Variants in STAP1 observed in about 807,000 individuals in gnomAD.
STAP1 encodes signal transducing adaptor family member 1.
A neutral mutation model predicts 37.8 loss-of-function variants in STAP1; 30 were observed. The ratio of observed to expected loss-of-function variants is 0.79; its 90% CI spans 0.59 to 1.08. STAP1 has a LOEUF of 1.08. Ranked by LOEUF, STAP1 falls within the 50% of genes least tolerant of loss-of-function variation. The pLI is 0.00. For synonymous variants in STAP1, 130 were observed against 116.0 expected (o/e 1.12, Z -0.78); for missense variants, 357 against 349.4 (o/e 1.02, Z -0.17).
Position 67,589,809 on chromosome 4 carries a change from AT to A in STAP1, c.660-1062del, listed in dbSNP as rs35601578. Among the ~76,000 whole-genome samples the A allele has an allele frequency of 3.3e-3, 486 of 147,618 alleles. 6 individuals are homozygous for A. Among genetic ancestry groups the A allele is most frequent in the African/African-American group, 7.9e-3 (316 of 40,220 alleles). On this transcript the variant is annotated intron_variant, in intron 6 of 8. Coordinates refer to ENST00000265404, the MANE Select transcript of STAP1 (RefSeq NM_012108.4). ...TAACATTATGAGGTGGGGGATCCTA[AT>A]TTTTTTTTTTTTGAGACAGGGTCTC...
chr4:67,562,085 AAAAAAAGAAAG>A (rs1389289751), intron 1 of STAP1, among the ~76,000 whole-genome samples: 11 of 127,966 alleles, frequency 8.6e-5, no homozygotes, highest in Non-Finnish European at 2.0e-4. Context: ...AAAAAAAAAA[AAAAAAAGAAAG>A]AAAGAGAGAA....
intron 6 of STAP1, among the ~76,000 whole-genome samples, chr4:67,589,020 A>G (rs1577762496): frequency 1.3e-5 from 2 of 152,362 alleles, no homozygotes; most frequent in South Asian, 2.1e-4. Context: ...CTCCATTTAT[A>G]GATGAAGAAA....
At chr4:67,580,336 T>C (rs1382269542) in intron 4 of STAP1, among the ~76,000 whole-genome samples, 2 of 152,264 alleles carry the variant, frequency 1.3e-5, no homozygotes, top group Admixed American at 6.5e-5. Context: ...TTATCTAAAA[T>C]GTCTCTAAGC....
rs1727416458 is a variant in STAP1, at chr4:67,564,260, G to C, written c.120+5331G>C. ...CAGGGCTGCCTTTGCTTTCAACTTAGTGCCTTTATACTTGCTTTTCCCCCC... is the reference window on the plus strand; with the variant it reads ...CAGGGCTGCCTTTGCTTTCAACTTACTGCCTTTATACTTGCTTTTCCCCCC... On this transcript the variant is annotated intron_variant, in intron 1 of 8. Coordinates refer to ENST00000265404, the MANE Select transcript of STAP1 (RefSeq NM_012108.4). Among the ~76,000 whole-genome samples, 3 of 152,202 alleles carry C rather than the reference G, an allele frequency of 2.0e-5. No homozygotes were observed. In the South Asian group the frequency reaches 6.2e-4, roughly 32 times the overall value.
At chr4:67,567,044 G>C (rs991735373) in intron 1 of STAP1, among the ~76,000 whole-genome samples, 5 of 151,904 alleles carry the variant, frequency 3.3e-5, no homozygotes, top group South Asian at 2.1e-4. Flanking sequence ...TAGAAAGACA[G>C]GTAAAGGGAT....
intron 5 of STAP1, among the ~76,000 whole-genome samples, chr4:67,582,400 T>C (rs915600480): frequency 6.6e-6 from 1 of 151,842 alleles, no homozygotes; most frequent in Non-Finnish European, 1.5e-5. Flanking sequence ...TCTCCACCTC[T>C]GGGTCTCAAA....
chr4:67,580,448 A>G (rs933852386), intron 4 of STAP1, among the ~76,000 whole-genome samples: 2 of 152,234 alleles, frequency 1.3e-5, no homozygotes, highest in Non-Finnish European at 2.9e-5. Flanking sequence ...GTGAAATAGT[A>G]ACTTAATAGA....
chr4:67,589,402 G>A (rs1728074061), intron 6 of STAP1, among the ~76,000 whole-genome samples: 1 of 152,162 alleles, frequency 6.6e-6, no homozygotes, highest in Non-Finnish European at 1.5e-5. Flanking sequence ...CCATTGTGAT[G>A]TCCAATTGAG....
chr4:67,571,176 G>A, intron 2 of STAP1, 21 bp downstream of exon 2: 1 of 1,518,054 alleles, frequency 6.6e-7, no homozygotes, highest in South Asian at 1.1e-5. Flanking sequence ...ATGTTGAGCT[G>A]ATTCCATTGT....
intron 1 of STAP1, among the ~76,000 whole-genome samples, chr4:67,560,643 G>GGGGTGTGTGTGTGT (rs370510074): frequency 1.9e-4 from 28 of 149,606 alleles, no homozygotes; most frequent in South Asian, 6.3e-4. Context: ...TGTGTGTGTG[G>GGGGTGTGTGTGTGT]GTGTGTGTCT....
intron 1 of STAP1, among the ~76,000 whole-genome samples, chr4:67,562,094 A>C (rs971827761): frequency 6.8e-6 from 1 of 146,614 alleles, no homozygotes; most frequent in African/African-American, 2.5e-5. Flanking sequence ...AAAAAAAAGA[A>C]AGAAAGAGAG....
Position 67,581,596 on chromosome 4 carries a change from A to G in STAP1, c.530+125A>G, listed in dbSNP as rs906849385. 6.7e-6 allele frequency: 7 copies of G among 1,039,626 alleles called. No homozygotes were observed. In the African/African-American group the frequency reaches 9.7e-5, roughly 14 times the overall value. 64.4% of individuals were successfully genotyped at this position (1,039,626 alleles called of 1,614,324 possible). ...ATAAGCAGTCTTGGGGATAAACTGT[A>G]TATCTCTGCGTACATGCCATATTTC... On this transcript the variant is annotated intron_variant, in intron 5 of 8. Transcript: ENST00000265404.
intron 6 of STAP1, among the ~76,000 whole-genome samples, chr4:67,586,328 G>A (rs779425875): frequency 9.9e-5 from 15 of 152,034 alleles, no homozygotes; most frequent in African/African-American, 2.4e-4. Flanking sequence ...GTGGTGGCAC[G>A]CACCTGTAAT....
intron 6 of STAP1, among the ~76,000 whole-genome samples, chr4:67,590,499 T>C (rs1388405238): frequency 3.3e-5 from 5 of 152,324 alleles, no homozygotes; most frequent in African/African-American, 1.2e-4. Flanking sequence ...CTTCTCTCAA[T>C]ATGGAGAATA....
Position 67,577,197 on chromosome 4 carries a change from C to CT in STAP1, c.307-3dup. 1 of 1,608,548 alleles carries CT rather than the reference C, an allele frequency of 6.2e-7. No individual in the cohort carries two copies. The highest frequency in any genetic ancestry group is 1.1e-5 in the South Asian group (1 of 89,618). On this transcript the variant is annotated splice_polypyrimidine_tract_variant and splice_region_variant and intron_variant, in intron 3 of 8. Coordinates refer to ENST00000265404, the MANE Select transcript of STAP1 (RefSeq NM_012108.4). ...TGGCTTTATCTGTTTTTGTCTTCAA[C>CT]TTTAGACAGAGAACACAGAAAGTGG...
At chr4:67,561,489 T>A (rs1436575577) in intron 1 of STAP1, among the ~76,000 whole-genome samples, 2 of 152,178 alleles carry the variant, frequency 1.3e-5, no homozygotes, top group African/African-American at 4.8e-5. Context: ...GGGGCACTTT[T>A]AAGTATTTAA....
At chr4:67,600,021 T>C (rs1728307215) in intron 8 of STAP1, among the ~76,000 whole-genome samples, 1 of 152,188 alleles carries the variant, frequency 6.6e-6, no homozygotes, top group South Asian at 2.1e-4. Flanking sequence ...TGCTATGACC[T>C]TTATTGTTTC....
intron 8 of STAP1, among the ~76,000 whole-genome samples, chr4:67,596,445 G>A (rs1218544178): frequency 6.6e-6 from 1 of 152,106 alleles, no homozygotes; most frequent in Non-Finnish European, 1.5e-5. Flanking sequence ...GTCGGGTCCT[G>A]CTATAAAGCA....
At chr4:67,602,442 T>C (rs1220946861) in intron 8 of STAP1, among the ~76,000 whole-genome samples, 3 of 152,188 alleles carry the variant, frequency 2.0e-5, no homozygotes, top group African/African-American at 7.2e-5. Flanking sequence ...AGGTACTTAA[T>C]CTAGTCTTCA....
Sources: gnomAD v4.1 joint callset for allele counts (sites outside exome capture counted in the v4.1 genomes callset) on GRCh38, gnomAD v4.1.1 for gene constraint, MANE v1.5 for transcripts, NCBI Gene and HGNC (gene_info 2026-07-23, HGNC 2026-07-21) for gene names.